GNRHR: variants seen among roughly 807,000 people sequenced by gnomAD.
GNRHR encodes gonadotropin releasing hormone receptor.
GNRHR carries 14 observed loss-of-function variants against 28.1 expected under a neutral mutation model. The observed-to-expected ratio is 0.50, with a 90% CI of 0.33 to 0.78. GNRHR has a LOEUF of 0.78. GNRHR is among the 30% of genes least tolerant of loss of function. The pLI, the probability that GNRHR is intolerant of heterozygous loss-of-function variation, is 0.02. For synonymous variants in GNRHR, 141 were observed against 140.5 expected (o/e 1.00, Z -0.02); for missense variants, 366 against 382.1 (o/e 0.96, Z 0.35).
Position 67,754,311 on chromosome 4 carries a change from G to T in GNRHR, c.25C>A (p.Gln9Lys). The T allele has an allele frequency of 1.2e-6, 2 of 1,611,628 alleles. No individual in the cohort carries two copies. The highest frequency in any genetic ancestry group is 1.7e-6 in the Non-Finnish European group (2 of 1,179,770). The part of the protein sequence containing the change: MANSASPE[Q>K]NQNHCSAINN... ...ATGGCTGAACAGTGATTTTGATTCTGTTCAGGAGAGGCACTGTTTGCCATA... is the reference window on the plus strand; with the variant it reads ...ATGGCTGAACAGTGATTTTGATTCTTTTCAGGAGAGGCACTGTTTGCCATA... Residue 9 changes from glutamine to lysine, a missense_variant, in exon 1 of 3, where the codon CAG becomes AAG. Coordinates refer to ENST00000226413, the MANE Select transcript of GNRHR (RefSeq NM_000406.3).
chr4:67,748,077 C>T lies in GNRHR; in HGVS notation c.523-3290G>A, dbSNP rs181987737. On this transcript the variant is annotated intron_variant, in intron 1 of 2. Transcript: ENST00000226413. Reference sequence around the variant, plus strand: ...TTGGTATATTTCTCCTCTCTTGCCCCTGGCCCTGGTTCTTATCAGTGTTTG... The same window carrying T: ...TTGGTATATTTCTCCTCTCTTGCCCTTGGCCCTGGTTCTTATCAGTGTTTG... 2.5e-3 allele frequency among the ~76,000 whole-genome samples: 374 copies of T among 152,004 alleles called. 2 individuals carry two copies. Among genetic ancestry groups the T allele is most frequent in the Non-Finnish European group, 1.8e-3 (119 of 67,972 alleles).
At chr4:67,749,971 C>G (rs565287289) in intron 1 of GNRHR, among the ~76,000 whole-genome samples, 1 of 151,870 alleles carries the variant, frequency 6.6e-6, no homozygotes, top group Non-Finnish European at 1.5e-5. Flanking sequence ...TTCCTGACTT[C>G]AAAACCTCTT....
intron 1 of GNRHR, 132 bp from the exon 2 acceptor site, chr4:67,744,919 C>T (rs141119312): frequency 1.3e-5 from 8 of 603,636 alleles, no homozygotes; most frequent in Admixed American, 2.9e-5. Flanking sequence ...ATACTTCTGA[C>T]GTTTCTATGA....
At chr4:67,742,280 T>C (rs1416930265) in intron 2 of GNRHR, among the ~76,000 whole-genome samples, 1 of 152,216 alleles carries the variant, frequency 6.6e-6, no homozygotes, top group African/African-American at 2.4e-5. Flanking sequence ...GGCTAGCCAA[T>C]TATCCCAGCA....
At position 67,748,243 on chromosome 4, in the gene GNRHR, A is replaced by C. The variant is rs1448965118; in HGVS notation, c.523-3456T>G. Reference sequence around the variant, plus strand: ...CCTTACCTAGTGTTGTCCACAGGTAATTATCTTCAGATGTGTGCTTCAGTT... The same window carrying C: ...CCTTACCTAGTGTTGTCCACAGGTACTTATCTTCAGATGTGTGCTTCAGTT... On this transcript the variant is annotated intron_variant, in intron 1 of 2. Coordinates refer to ENST00000226413, the MANE Select transcript of GNRHR (RefSeq NM_000406.3). Among the ~76,000 whole-genome samples the C allele has an allele frequency of 1.3e-5, 2 of 152,062 alleles. 1 individual carries two copies. The highest frequency in any genetic ancestry group is 1.3e-4 in the Admixed American group (2 of 15,226).
intron 1 of GNRHR, among the ~76,000 whole-genome samples, chr4:67,752,362 T>C (rs1000491341): frequency 1.3e-5 from 2 of 151,302 alleles, no homozygotes; most frequent in African/African-American, 4.9e-5. Context: ...CAGGTGCGGG[T>C]CATCATGACC....
At chr4:67,743,893 A>G (rs112460066) in intron 2 of GNRHR, among the ~76,000 whole-genome samples, 14 of 152,198 alleles carry the variant, frequency 9.2e-5, no homozygotes, top group South Asian at 4.1e-4. Context: ...TATTCATGCT[A>G]TAATAATTAA....
rs532105437 is a variant in GNRHR at position 67,750,996 on chromosome 4, G to A, written c.522+2818C>T. Among the ~76,000 whole-genome samples the A allele has an allele frequency of 3.3e-5, 5 of 152,234 alleles. No homozygotes were observed. The East Asian group carries it at 7.7e-4, about 23-fold the overall frequency. ...CTTTTATTCAGAGAAATTGAAGAGA[G>A]CCATAATAAAAGGAAAGAATAAGAC... On this transcript the variant is annotated intron_variant, in intron 1 of 2. Transcript: ENST00000226413.
In GNRHR at chr4:67,740,109, C is replaced by T. The variant is rs1577865563; in HGVS notation, c.*371G>A. 1 of 234,566 alleles carries T rather than the reference C, an allele frequency of 4.3e-6. No individual in the cohort carries two copies. Among genetic ancestry groups the T allele is most frequent in the East Asian group, 1.1e-4 (1 of 9,244 alleles). The allele number at this position is 234,566 out of a possible 1,614,324, so 14.5% of individuals were successfully genotyped here. A position where few individuals can be genotyped will look rare whatever the true frequency, so the allele number is the denominator to read the frequency against. On this transcript the variant is annotated 3_prime_UTR_variant, in exon 3 of 3. Transcript: ENST00000226413. The stretch of plus-strand genomic sequence containing the variant: ...TCACCAAAGCATGCTGAGTTTAGAC[C>T]TGTGTTGTGGTTTCTCACCTTTGTT...
rs111894416 is a variant in GNRHR, at chr4:67,740,095, T to C, written c.*385A>G. On this transcript the variant is annotated 3_prime_UTR_variant, in exon 3 of 3. Coordinates refer to ENST00000226413, the MANE Select transcript of GNRHR (RefSeq NM_000406.3). Reference sequence around the variant, plus strand: ...TTTTGGAGAAAAACTCACCAAAGCATGCTGAGTTTAGACCTGTGTTGTGGT... The same window carrying C: ...TTTTGGAGAAAAACTCACCAAAGCACGCTGAGTTTAGACCTGTGTTGTGGT... 2.9e-3 allele frequency: 583 copies of C among 198,706 alleles called. 3 individuals carry two copies. The highest frequency in any genetic ancestry group is 0.013 in the African/African-American group (558 of 42,342). 12.3% of individuals were successfully genotyped at this position (198,706 alleles called of 1,614,324 possible).
At chr4:67,748,692 T>A (rs961657601) in intron 1 of GNRHR, among the ~76,000 whole-genome samples, 1 of 150,636 alleles carries the variant, frequency 6.6e-6, no homozygotes, top group African/African-American at 2.4e-5. Context: ...GTTGTGCACG[T>A]GTACCCTAAA....
Position 67,753,921 on chromosome 4 carries a change from G to A in GNRHR, c.415C>T (p.Arg139Cys), listed in dbSNP as rs1325732095. The A allele has an allele frequency of 1.1e-5, 17 of 1,613,216 alleles. No individual in the cohort carries two copies. The highest frequency in any genetic ancestry group is 3.3e-5 in the Admixed American group (2 of 59,958). ...AGGGGCCTCGTGATAGCCAGGGAGCGGTCCAGGCTGATCACCACCATCATG... is the reference window on the plus strand; with the variant it reads ...AGGGGCCTCGTGATAGCCAGGGAGCAGTCCAGGCTGATCACCACCATCATG... ...AFMMVVISLD[R>C]SLAITRPLAL... The change falls in exon 1 of 3, where the codon CGC (arginine) becomes TGC (cysteine). Residue 139 changes from arginine to cysteine, a missense_variant. Arg to Cys is a radical substitution (Grantham distance 180). Transcript: ENST00000226413.
chr4:67,742,565 G>C (rs1381599654), intron 2 of GNRHR, among the ~76,000 whole-genome samples: 2 of 152,188 alleles, frequency 1.3e-5, no homozygotes, highest in Non-Finnish European at 2.9e-5. Context: ...TGGAATTGCT[G>C]ACTTTTTACA....
rs1486888199 is a variant in GNRHR, at chr4:67,739,975, C to A, written c.*505G>T. On this transcript the variant is annotated 3_prime_UTR_variant, in exon 3 of 3. Transcript: ENST00000226413. ...AGAGAAAAATAGATTCATTTTTTTT[C>A]TTTTTAACTATAGGAGGGAAAGTTG... The A allele has an allele frequency of 2.0e-5, 3 of 152,100 alleles. No individual in the cohort carries two copies. Among genetic ancestry groups the A allele is most frequent in the Non-Finnish European group, 4.4e-5 (3 of 68,200 alleles). 9.4% of individuals were successfully genotyped at this position (152,100 alleles called of 1,614,324 possible).
intron 1 of GNRHR, among the ~76,000 whole-genome samples, chr4:67,748,815 A>T (rs1356498920): frequency 4.0e-5 from 6 of 151,848 alleles, no homozygotes; most frequent in Admixed American, 3.9e-4. Flanking sequence ...TAGATAACTA[A>T]ATATACTGAT....
rs59079898 is a variant in GNRHR at position 67,740,113 on chromosome 4, G to A, written c.*367C>T. 254 of 246,442 alleles carry A rather than the reference G, an allele frequency of 1.0e-3. 2 individuals carry two copies. Among genetic ancestry groups the A allele is most frequent in the African/African-American group, 5.3e-3 (231 of 43,670 alleles). 15.3% of individuals were successfully genotyped at this position (246,442 alleles called of 1,614,324 possible). On this transcript the variant is annotated 3_prime_UTR_variant, in exon 3 of 3. Coordinates refer to ENST00000226413, the MANE Select transcript of GNRHR (RefSeq NM_000406.3). ...CAAAGCATGCTGAGTTTAGACCTGT[G>A]TTGTGGTTTCTCACCTTTGTTTTTT...
rs375060383 is a variant in GNRHR at position 67,752,806 on chromosome 4, T to TG, written c.522+1007_522+1008insC. On this transcript the variant is annotated intron_variant, in intron 1 of 2. Coordinates refer to ENST00000226413, the MANE Select transcript of GNRHR (RefSeq NM_000406.3). ...AGTGAGTTCTGCATGGCAGTTTTTTTTTGTTGTTGTTGTTTTTTAACCATC... is the reference window on the plus strand; with the variant it reads ...AGTGAGTTCTGCATGGCAGTTTTTTTGTTGTTGTTGTTGTTTTTTAACCATC... 1.1e-3 allele frequency among the ~76,000 whole-genome samples: 137 copies of TG among 123,100 alleles called. 2 individuals carry two copies. In the East Asian group the frequency reaches 0.015, roughly 14 times the overall value. 80.8% of individuals were successfully genotyped at this position (123,100 alleles called of 152,430 possible).
intron 1 of GNRHR, among the ~76,000 whole-genome samples, chr4:67,749,164 T>C (rs1210668874): frequency 6.6e-6 from 1 of 152,122 alleles, no homozygotes; most frequent in African/African-American, 2.4e-5. Flanking sequence ...ACCTGTGTGA[T>C]AATATTTATT....
chr4:67,743,754 C>T (rs942871668), intron 2 of GNRHR, among the ~76,000 whole-genome samples: 3 of 152,042 alleles, frequency 2.0e-5, no homozygotes, highest in African/African-American at 4.8e-5. Context: ...ATTTTGAAGG[C>T]AAATTGTTCT....
Sources: allele counts gnomAD v4.1 joint callset (sites outside exome capture counted in the v4.1 genomes callset), GRCh38; gene constraint gnomAD v4.1.1; transcripts MANE v1.5; gene names NCBI Gene and HGNC (gene_info 2026-07-23, HGNC 2026-07-21).